GRID1: variants seen among roughly 807,000 people sequenced by gnomAD.
GRID1 encodes the protein glutamate receptor ionotropic, delta-1.
GRID1 carries 28 observed loss-of-function variants against 98.0 expected under a neutral mutation model. The ratio of observed to expected loss-of-function variants is 0.29; its 90% CI spans 0.21 to 0.39. The LOEUF (loss-of-function observed/expected upper bound fraction) is 0.39. GRID1 is among the 10% of genes least tolerant of loss of function. GRID1 has a pLI of 1.00. For synonymous variants in GRID1, 553 were observed against 538.5 expected (o/e 1.03, Z -0.37); for missense variants, 1,111 against 1,340.5 (o/e 0.83, Z 2.67).
At chr10:86,209,857 CAT>C (rs1554861652) in intron 2 of GRID1, among the ~76,000 whole-genome samples, 1 of 152,118 alleles carries the variant, frequency 6.6e-6, no homozygotes, top group Non-Finnish European at 1.5e-5. Context: ...GTCCCCACTC[CAT>C]ATATGTCAGG....
chr10:85,826,623 G>A (rs1325744503), intron 8 of GRID1, among the ~76,000 whole-genome samples: 1 of 151,992 alleles, frequency 6.6e-6, no homozygotes, highest in Non-Finnish European at 1.5e-5. Context: ...CTGCCACACT[G>A]CACCCTACAC....
intron 4 of GRID1, among the ~76,000 whole-genome samples, chr10:86,039,713 G>C (rs1032618748): frequency 6.6e-6 from 1 of 152,174 alleles, no homozygotes. Context: ...CTGTCTCAAC[G>C]CGTAGGTCCT....
At chr10:85,816,648 A>G (rs1265279760) in intron 8 of GRID1, among the ~76,000 whole-genome samples, 1 of 152,226 alleles carries the variant, frequency 6.6e-6, no homozygotes, top group Non-Finnish European at 1.5e-5. Flanking sequence ...AAAACCGCAC[A>G]CCACAAAAGT....
intron 2 of GRID1, among the ~76,000 whole-genome samples, chr10:86,210,065 T>G (rs1846086193): frequency 6.6e-6 from 1 of 152,010 alleles, no homozygotes; most frequent in Admixed American, 6.6e-5. Flanking sequence ...TAGGATCCAC[T>G]GAGGAGACAG....
At chr10:86,277,039 G>A (rs1047232570) in intron 2 of GRID1, among the ~76,000 whole-genome samples, 2 of 152,160 alleles carry the variant, frequency 1.3e-5, no homozygotes, top group African/African-American at 4.8e-5. Flanking sequence ...AAAGTAGGAT[G>A]GTGGTTTCCA....
Position 85,876,817 on chromosome 10 carries a change from C to T in GRID1, c.781-7637G>A, listed in dbSNP as rs573130772. On this transcript the variant is annotated intron_variant, in intron 5 of 15. Coordinates refer to ENST00000327946, the MANE Select transcript of GRID1 (RefSeq NM_017551.3). Reference sequence around the variant, plus strand: ...AAGGAGGGCGAGGCATTGCCTCACTCGGAAGTGCAAGGGGTCAGGGAGTTC... The same window carrying T: ...AAGGAGGGCGAGGCATTGCCTCACTTGGAAGTGCAAGGGGTCAGGGAGTTC... Among the ~76,000 whole-genome samples, 14 of 152,286 alleles carry T rather than the reference C, an allele frequency of 9.2e-5. No individual in the cohort carries two copies. The South Asian group carries it at 1.9e-3, about 20-fold the overall frequency.
At chr10:86,324,962 TC>T (rs1812476439) in intron 2 of GRID1, among the ~76,000 whole-genome samples, 1 of 152,026 alleles carries the variant, frequency 6.6e-6, no homozygotes, top group South Asian at 2.1e-4. Flanking sequence ...GTGGAAGCAC[TC>T]AAAGGAACAG....
At chr10:86,267,046 G>A (rs142276247) in intron 2 of GRID1, among the ~76,000 whole-genome samples, 119 of 152,320 alleles carry the variant, frequency 7.8e-4, no homozygotes, top group African/African-American at 2.4e-3. Flanking sequence ...ACAGGGCCAC[G>A]TCAGCATCAC....
intron 8 of GRID1, among the ~76,000 whole-genome samples, chr10:85,775,308 A>T (rs2132718503): frequency 8.6e-6 from 1 of 116,528 alleles, no homozygotes; most frequent in Non-Finnish European, 1.7e-5. Flanking sequence ...GGGGAACATC[A>T]CACTGTGGGG....
At chr10:86,322,718 A>AT (rs201134539) in intron 2 of GRID1, among the ~76,000 whole-genome samples, 2,562 of 150,014 alleles carry the variant, frequency 0.017, 52 homozygotes, top group South Asian at 0.036. Context: ...GCCTTGAATT[A>AT]TTTTTTTTTA....
At chr10:86,114,793 G>A (rs900185767) in intron 4 of GRID1, among the ~76,000 whole-genome samples, 4 of 152,200 alleles carry the variant, frequency 2.6e-5, no homozygotes, top group African/African-American at 9.6e-5. Flanking sequence ...AGCATTGGCA[G>A]GCTCCCACCT....
Position 85,961,432 on chromosome 10 carries a change from G to A in GRID1, c.727-45193C>T, listed in dbSNP as rs575598475. ...GCCCAGACCAGTGAGGAGGCCTCCC[G>A]CCACTTGGGTCCTGAGGCAAACGAA... On this transcript the variant is annotated intron_variant, in intron 4 of 15. Transcript: ENST00000327946. Among the ~76,000 whole-genome samples, 20 of 152,168 alleles carry A rather than the reference G, an allele frequency of 1.3e-4. No homozygotes were observed. The South Asian group carries it at 2.5e-3, about 19-fold the overall frequency.
intron 3 of GRID1, among the ~76,000 whole-genome samples, chr10:86,154,218 G>A (rs565746396): frequency 6.6e-6 from 1 of 152,294 alleles, no homozygotes; most frequent in African/African-American, 2.4e-5. Flanking sequence ...GCTGGGTGAG[G>A]GGAGTAGGGA....
At chr10:86,221,910 C>CCTT (rs1399616217) in intron 2 of GRID1, among the ~76,000 whole-genome samples, 19 of 151,196 alleles carry the variant, frequency 1.3e-4, no homozygotes, top group Non-Finnish European at 2.4e-4. Flanking sequence ...TCCTCCTCCT[C>CCTT]CTCCTCCTCA....
chr10:85,741,722 A>C (rs555314272), intron 8 of GRID1, among the ~76,000 whole-genome samples: 1 of 152,174 alleles, frequency 6.6e-6, no homozygotes, highest in African/African-American at 2.4e-5. Context: ...GTGGTTTTCA[A>C]CTACAGTTGG....
chr10:86,143,082 C>T (rs1845032738), intron 3 of GRID1, among the ~76,000 whole-genome samples: 1 of 152,198 alleles, frequency 6.6e-6, no homozygotes, highest in Admixed American at 6.5e-5. Context: ...TGCTCCTTGC[C>T]AGCGGTGGCT....
At chr10:86,230,385 G>C (rs765575468) in intron 2 of GRID1, among the ~76,000 whole-genome samples, 1 of 152,168 alleles carries the variant, frequency 6.6e-6, no homozygotes, top group Non-Finnish European at 1.5e-5. Context: ...ACACCACCAG[G>C]AACTCCTGTG....
intron 2 of GRID1, among the ~76,000 whole-genome samples, chr10:86,299,494 C>T (rs1326618023): frequency 6.6e-6 from 1 of 151,406 alleles, no homozygotes; most frequent in African/African-American, 2.4e-5. Context: ...TCGCCCCCCT[C>T]CCCACAACAG....
intron 4 of GRID1, among the ~76,000 whole-genome samples, chr10:86,065,306 C>T (rs181597651): frequency 2.0e-3 from 298 of 152,346 alleles, no homozygotes; most frequent in Non-Finnish European, 3.6e-3. Flanking sequence ...GAAGTCTGTG[C>T]TGCAGCAAGC....
Sources: gnomAD v4.1 joint callset for allele counts (sites outside exome capture counted in the v4.1 genomes callset) on GRCh38, gnomAD v4.1.1 for gene constraint, MANE v1.5 for transcripts, NCBI Gene and HGNC (gene_info 2026-07-23, HGNC 2026-07-21) for gene names.